The following OSBP2 variants were observed in gnomAD, a reference collection of about 807,000 sequenced individuals.
OSBP2 encodes the protein oxysterol-binding protein 2.
A neutral mutation model predicts 96.0 loss-of-function variants in OSBP2; 66 were observed. That is an observed-to-expected ratio of 0.69 (90% CI 0.56 to 0.84). OSBP2 has a LOEUF of 0.84. Among genes scored for constraint, OSBP2 ranks in the 40% least tolerant of loss-of-function variants. The pLI, the probability that OSBP2 is intolerant of heterozygous loss-of-function variation, is 0.00. For missense variants in OSBP2, 1,038 were observed against 1,222.7 expected (o/e 0.85, Z 2.25); for synonymous variants, 525 against 520.9 (o/e 1.01, Z -0.11).
intron 1 of OSBP2, among the ~76,000 whole-genome samples, chr22:30,696,690 G>C (rs1351385910): frequency 6.6e-6 from 1 of 152,142 alleles, no homozygotes; most frequent in Non-Finnish European, 1.5e-5. Context: ...GTATTGCTCT[G>C]TCGCCCAGGC....
chr22:30,886,479 T>C (rs1004492588), intron 3 of OSBP2, among the ~76,000 whole-genome samples: 14 of 150,738 alleles, frequency 9.3e-5, no homozygotes, highest in Admixed American at 8.6e-4. Context: ...GCTAAGACTC[T>C]TACTTCATCT....
chr22:30,906,529 T>G lies in OSBP2; in HGVS notation c.*190T>G. ...TGGAAGGAGGAAGGGCTGACCTGGG[T>G]TCTCTCCAGCCCCCAGGTGCGCCGG... is the stretch of plus-strand genomic sequence containing the variant. On this transcript the variant is annotated 3_prime_UTR_variant, in exon 14 of 14. Transcript: ENST00000332585. 1 of 643,460 alleles carries G rather than the reference T, an allele frequency of 1.6e-6. No homozygotes were observed. Among genetic ancestry groups the G allele is most frequent in the East Asian group, 3.2e-5 (1 of 31,232 alleles). 39.9% of individuals were successfully genotyped at this position (643,460 alleles called of 1,614,324 possible). A position where few individuals can be genotyped will look rare whatever the true frequency, so the allele number is the denominator to read the frequency against.
At position 30,730,800 on chromosome 22, in the gene OSBP2, ATATATATAATTT is replaced by A. The variant is rs1569100644; in HGVS notation, c.645-10359_645-10348del. Among the ~76,000 whole-genome samples, 16 of 49,856 alleles carry A rather than the reference ATATATATAATTT, an allele frequency of 3.2e-4. 2 individuals are homozygous for A. Among genetic ancestry groups the A allele is most frequent in the African/African-American group, 1.7e-3 (16 of 9,346 alleles). The allele number at this position is 49,856 out of a possible 152,430, so 32.7% of individuals were successfully genotyped here. A position where few individuals can be genotyped will look rare whatever the true frequency, so the allele number is the denominator to read the frequency against. On this transcript the variant is annotated intron_variant, in intron 1 of 13. Transcript: ENST00000332585. ...TATATATATATATATATATATATAT[ATATATATAATTT>A]TTTTTTTTTTTCCCATGGACATTTT... is the stretch of plus-strand genomic sequence containing the variant.
At chr22:30,899,108 C>A (rs566197125) in intron 12 of OSBP2, among the ~76,000 whole-genome samples, 3 of 152,054 alleles carry the variant, frequency 2.0e-5, no homozygotes, top group African/African-American at 7.2e-5. Flanking sequence ...TAGCTGGGCA[C>A]AGTGGCTCAT....
intron 12 of OSBP2, among the ~76,000 whole-genome samples, chr22:30,900,254 CAAA>C (rs200271401): frequency 1.8e-5 from 2 of 108,410 alleles, no homozygotes. Flanking sequence ...AACTCCATCT[CAAA>C]AAAAAAAAAA....
intron 2 of OSBP2, among the ~76,000 whole-genome samples, chr22:30,757,486 C>T (rs1236782820): frequency 4.0e-5 from 6 of 151,898 alleles, no homozygotes; most frequent in African/African-American, 1.2e-4. Context: ...GGCATGATCT[C>T]GGCTCACTGC....
chr22:30,721,704 G>A (rs1569502), intron 1 of OSBP2, among the ~76,000 whole-genome samples: 1 of 152,120 alleles, frequency 6.6e-6, no homozygotes, highest in African/African-American at 2.4e-5. Context: ...CAAAATTCCT[G>A]AATAAATTGT....
intron 2 of OSBP2, among the ~76,000 whole-genome samples, chr22:30,814,434 G>T (rs1161828568): frequency 2.1e-5 from 3 of 140,546 alleles, no homozygotes; most frequent in Admixed American, 7.3e-5. Flanking sequence ...ATCTCGTTGG[G>T]TTTTTTTTTT....
At chr22:30,694,631 CG>C (rs1286862845), upstream of OSBP2, among the ~76,000 whole-genome samples, 4 of 1,128 alleles carry the variant, frequency 3.5e-3, no homozygotes, top group Non-Finnish European at 4.3e-3. Context: ...CCATCCCCTT[CG>C]GAGTTGACCG....
chr22:30,786,861 C>T lies in OSBP2; in HGVS notation c.853+45492C>T, dbSNP rs575207506. 5.3e-5 allele frequency among the ~76,000 whole-genome samples: 8 copies of T among 152,198 alleles called. No individual in the cohort carries two copies. The East Asian group carries it at 1.5e-3, about 29-fold the overall frequency. On this transcript the variant is annotated intron_variant, in intron 2 of 13. Coordinates refer to ENST00000332585, the MANE Select transcript of OSBP2 (RefSeq NM_030758.4). ...TTGCCCAGGCTGGAGTGCAATGGTG[C>T]AATCTCGGCTCACTGCAACCTCTGC... is the stretch of plus-strand genomic sequence containing the variant.
intron 1 of OSBP2, among the ~76,000 whole-genome samples, chr22:30,699,413 C>T (rs368661191): frequency 7.2e-5 from 11 of 152,058 alleles, no homozygotes; most frequent in Admixed American, 5.2e-4. Context: ...GTATGTGTGC[C>T]GGAATTTCTC....
rs148691661 is a variant in OSBP2 at position 30,828,578 on chromosome 22, C to T, written c.854-41851C>T. Among the ~76,000 whole-genome samples the T allele has an allele frequency of 2.6e-5, 4 of 152,154 alleles. No individual in the cohort carries two copies. In the South Asian group the frequency reaches 6.2e-4, roughly 24 times the overall value. The stretch of plus-strand genomic sequence containing the variant: ...CCATGAGCTCTGAGGAAAGGCATTG[C>T]GAGTGGGCAGGGATCCCAGCAGAGG... On this transcript the variant is annotated intron_variant, in intron 2 of 13. Transcript: ENST00000332585.
chr22:30,734,588 G>A (rs781351152), intron 1 of OSBP2, among the ~76,000 whole-genome samples: 1 of 152,106 alleles, frequency 6.6e-6, no homozygotes, highest in Admixed American at 6.6e-5. Flanking sequence ...ACATGAGCAG[G>A]TGCACTACTC....
rs536571744 is a variant in OSBP2 at position 30,802,911 on chromosome 22, T to C, written c.853+61542T>C. Among the ~76,000 whole-genome samples, 5 of 152,284 alleles carry C rather than the reference T, an allele frequency of 3.3e-5. No homozygotes were observed. In the South Asian group the frequency reaches 1.0e-3, roughly 32 times the overall value. On this transcript the variant is annotated intron_variant, in intron 2 of 13. Transcript: ENST00000332585. ...GGCTCCTCTAGGTCCGGCTGCTCTC[T>C]GAGCTCGCGGGCTGGACGCTGTCCG...
chr22:30,906,162 A>T (rs2040333184), intron 13 of OSBP2, 35 bp from the exon 14 acceptor site: 2 of 1,613,236 alleles, frequency 1.2e-6, no homozygotes, highest in South Asian at 1.1e-5. Flanking sequence ...GCAGGCCACA[A>T]GCCCACCCAC....
At chr22:30,755,228 G>A (rs531064146) in intron 2 of OSBP2, among the ~76,000 whole-genome samples, 7 of 152,222 alleles carry the variant, frequency 4.6e-5, no homozygotes, top group East Asian at 1.9e-4. Flanking sequence ...CCACAGGGGC[G>A]CTTAGAGCAG....
At chr22:30,789,391 A>G (rs1187677054) in intron 2 of OSBP2, among the ~76,000 whole-genome samples, 3 of 152,182 alleles carry the variant, frequency 2.0e-5, no homozygotes, top group African/African-American at 7.2e-5. Flanking sequence ...CCAGGATTTC[A>G]TAGGCCATGA....
At chr22:30,873,602 C>T (rs1397339004) in intron 3 of OSBP2, among the ~76,000 whole-genome samples, 1 of 152,220 alleles carries the variant, frequency 6.6e-6, no homozygotes, top group Non-Finnish European at 1.5e-5. Flanking sequence ...ATCCCACTCC[C>T]CAGCCCCATC....
At chr22:30,858,915 A>AATAAT (rs1337873376) in intron 2 of OSBP2, among the ~76,000 whole-genome samples, 8 of 111,846 alleles carry the variant, frequency 7.2e-5, no homozygotes, top group Admixed American at 1.7e-4. Context: ...ATAATAATAA[A>AATAAT]AGCATTCCCA....
Sources: allele counts gnomAD v4.1 joint callset (sites outside exome capture counted in the v4.1 genomes callset), GRCh38; gene constraint gnomAD v4.1.1; transcripts MANE v1.5; gene names NCBI Gene and HGNC (gene_info 2026-07-23, HGNC 2026-07-21).